The following CD163L1 variants were observed in gnomAD, a reference collection of about 807,000 sequenced individuals.
CD163L1 encodes scavenger receptor cysteine-rich type 1 protein M160.
CD163L1 carries 124 observed loss-of-function variants against 165.4 expected under a neutral mutation model. The observed-to-expected ratio is 0.75, with a 90% confidence interval of 0.65 to 0.87. The LOEUF is 0.87. CD163L1 is among the 40% of genes least tolerant of loss of function. The probability of loss-of-function intolerance (pLI) is 0.00; values close to 1 mark genes in which losing one functional copy is unlikely to be tolerated. For missense variants in CD163L1, 1,525 were observed against 1,799.9 expected (o/e 0.85, Z 2.76); for synonymous variants, 585 against 662.2 (o/e 0.88, Z 1.79).
intron 13 of CD163L1, 64 bp from the exon 14 acceptor site, chr12:7,373,704 G>A (rs1424351542): frequency 4.3e-5 from 60 of 1,407,978 alleles, no homozygotes; most frequent in Non-Finnish European, 5.7e-5. Context: ...CCCTCCCCAA[G>A]GAATCCATTT....
At chr12:7,323,531 C>A in the CD163L1 span, 17,987 of 1,613,606 alleles carry the variant, frequency 0.011, 138 homozygotes, top group Non-Finnish European at 0.014. Context: ...CAAACCTACA[C>A]GGCCCTTCTG....
chr12:7,403,502 A>G, intron 6 of CD163L1, 33 bp downstream of exon 6: 1 of 1,558,146 alleles, frequency 6.4e-7, no homozygotes, highest in Non-Finnish European at 8.7e-7. Context: ...TAAAAATTCA[A>G]ATGTGTACAC....
At chr12:7,418,922 G>A (rs1236631086) in intron 4 of CD163L1, among the ~76,000 whole-genome samples, 1 of 152,004 alleles carries the variant, frequency 6.6e-6, no homozygotes. Flanking sequence ...GAACCAGATG[G>A]ATTCACAGCT....
At chr12:7,343,729 T>C (rs6416255), downstream of CD163L1, among the ~76,000 whole-genome samples, 151,201 of 152,286 alleles carry the variant, frequency 0.99, 75,071 homozygotes, top group Middle Eastern at 1. Flanking sequence ...TACATTCCAA[T>C]ATGATACTTG....
Position 7,433,636 on chromosome 12 carries a change from C to A in CD163L1, c.183G>T (p.Val61=), listed in dbSNP as rs773248221. The A allele has an allele frequency of 1.9e-6, 3 of 1,614,136 alleles. No homozygotes were observed. The highest frequency in any genetic ancestry group is 1.7e-6 in the Non-Finnish European group (2 of 1,179,994). The change falls in exon 3 of 20, where the codon GTG becomes GTT. Residue 61 remains valine, a synonymous_variant. Transcript: ENST00000313599. The stretch of plus-strand genomic sequence containing the variant: ...CCCACTGTCCCTGGAATTTCACCTC[C>A]ACTGTCCCAGAGCAGGGACCGTCTC... The part of the protein sequence containing the change: ...VNGDGPCSGT[V]EVKFQGQWGT...
chr12:7,324,173 C>A, the CD163L1 span: 1 of 1,407,428 alleles, frequency 7.1e-7, no homozygotes, highest in Non-Finnish European at 9.5e-7. Flanking sequence ...AAAAAATTTC[C>A]TATATAAGTA....
intron 2 of CD163L1, chr12:7,439,166 T>C (rs780242772): frequency 1.3e-6 from 2 of 1,575,332 alleles, no homozygotes; most frequent in Non-Finnish European, 1.7e-6. Context: ...TTCATTGTCA[T>C]CCTCCGGAAA....
At chr12:7,370,095 T>C (rs1329205576) in intron 14 of CD163L1, among the ~76,000 whole-genome samples, 2 of 152,154 alleles carry the variant, frequency 1.3e-5, no homozygotes, top group Non-Finnish European at 2.9e-5. Context: ...GCCCTCCAAT[T>C]ATCAGTCCTT....
At chr12:7,353,787 A>C (rs946896731), downstream of CD163L1, among the ~76,000 whole-genome samples, 2 of 152,074 alleles carry the variant, frequency 1.3e-5, no homozygotes, top group African/African-American at 4.8e-5. Context: ...ATGTTATAAT[A>C]AAAACTTAAA....
At position 7,421,041 on chromosome 12, in the gene CD163L1, A is replaced by ATATATATACATATATATATATACTTG. The variant is rs1217962587; in HGVS notation, c.766+11374_766+11375insCAAGTATATATATATATGTATATATA. The stretch of plus-strand genomic sequence containing the variant: ...TATATATACATATATATATACGTGT[A>ATATATATACATATATATATATACTTG]TATATATGTATATACGTATATATGT... On this transcript the variant is annotated intron_variant, in intron 4 of 19. Transcript: ENST00000313599. Among the ~76,000 whole-genome samples the ATATATATACATATATATATATACTTG allele has an allele frequency of 5.5e-5, 6 of 108,596 alleles. No homozygotes were observed. The South Asian group carries it at 1.9e-3, about 35-fold the overall frequency. 71.2% of individuals were successfully genotyped at this position (108,596 alleles called of 152,430 possible). A position where few individuals can be genotyped will look rare whatever the true frequency, so the allele number is the denominator to read the frequency against.
Position 7,433,489 on chromosome 12 carries a change from A to G in CD163L1, c.330T>C (p.Ile110=). The change falls in exon 3 of 20, where the codon ATT becomes ATC. Residue 110 remains isoleucine (I), a synonymous_variant. Coordinates refer to ENST00000313599, the MANE Select transcript of CD163L1 (RefSeq NM_174941.6). ...CATAACAGGAAACATCATCAAGCCA[A>G]ATTTTTCCATGTCTAGTCACGGCTT... ...FGQAVTRHGK[I]WLDDVSCYGN... is the part of the protein sequence containing the mutation. 2 of 1,614,180 alleles carry G rather than the reference A, an allele frequency of 1.2e-6. No homozygotes were observed. Among genetic ancestry groups the G allele is most frequent in the African/African-American group, 1.3e-5 (1 of 75,054 alleles).
At chr12:7,437,230 G>A (rs376306912) in intron 2 of CD163L1, among the ~76,000 whole-genome samples, 1 of 2,206 alleles carries the variant, frequency 4.5e-4, no homozygotes, top group African/African-American at 7.1e-4. Flanking sequence ...GTATTTAAAA[G>A]TATTTACTTT....
chr12:7,350,874 G>C (rs1946701933), downstream of CD163L1, among the ~76,000 whole-genome samples: 1 of 152,026 alleles, frequency 6.6e-6, no homozygotes, highest in South Asian at 2.1e-4. Flanking sequence ...CTGAGCTGCA[G>C]ATTATCATAC....
At chr12:7,338,352 C>G in the CD163L1 span, among the ~76,000 whole-genome samples, 1 of 152,156 alleles carries the variant, frequency 6.6e-6, no homozygotes, top group Admixed American at 6.5e-5. Flanking sequence ...ATAAATTGTT[C>G]CCTTCATGTT....
chr12:7,398,237 G>A lies in CD163L1; in HGVS notation c.1729+27C>T, dbSNP rs776557792. 1 of 1,586,858 alleles carries A rather than the reference G, an allele frequency of 6.3e-7. No homozygotes were observed. The highest frequency in any genetic ancestry group is 8.6e-7 in the Non-Finnish European group (1 of 1,164,032). ...TGAGGAATACTATTTCTCTTATCAGGAAATAATAAACAAGAACAAGTCTTA... is the reference window on the plus strand; with the variant it reads ...TGAGGAATACTATTTCTCTTATCAGAAAATAATAAACAAGAACAAGTCTTA... On this transcript the variant is annotated intron_variant, in intron 7 of 19. Coordinates refer to ENST00000313599, the MANE Select transcript of CD163L1 (RefSeq NM_174941.6). This position sits in a 1 kb window ranked among gnomAD's most constrained non-coding sequence, Gnocchi z 4.5.
At chr12:7,337,417 C>A in the CD163L1 span, among the ~76,000 whole-genome samples, 1 of 152,056 alleles carries the variant, frequency 6.6e-6, no homozygotes, top group Non-Finnish European at 1.5e-5. Context: ...TGCAATCTAT[C>A]CATCTGACAA....
chr12:7,439,926 A>G, intron 2 of CD163L1: 2 of 1,596,482 alleles, frequency 1.3e-6, no homozygotes, highest in Non-Finnish European at 1.7e-6. Flanking sequence ...CCAACTCCTC[A>G]GTGCTGTCGG....
chr12:7,360,969 T>C (rs1002753900), intron 18 of CD163L1, among the ~76,000 whole-genome samples: 6 of 151,954 alleles, frequency 3.9e-5, no homozygotes, highest in Admixed American at 6.6e-5. Context: ...TTTTGCTTTG[T>C]TTTGTTTTGT....
the CD163L1 span, chr12:7,323,217 G>A: frequency 6.3e-7 from 1 of 1,594,274 alleles, no homozygotes; most frequent in South Asian, 1.1e-5. Context: ...CTTATACAAA[G>A]CTTGTCCTCT....
Sources: gnomAD v4.1 joint callset for allele counts (sites outside exome capture counted in the v4.1 genomes callset) on GRCh38, gnomAD v4.1.1 for gene constraint, Gnocchi (gnomAD v3.1) non-coding constraint, MANE v1.5 for transcripts, NCBI Gene and HGNC (gene_info 2026-07-23, HGNC 2026-07-21) for gene names.